SH3BP4: variants seen among roughly 807,000 people sequenced by gnomAD.
The protein encoded by SH3BP4 is SH3 domain binding protein 4.
Under a neutral mutation model 65.5 loss-of-function variants are expected in SH3BP4, and 33 were observed. The observed-to-expected ratio is 0.50, with a 90% CI of 0.38 to 0.67. SH3BP4 has a LOEUF of 0.67. Ranked by LOEUF, SH3BP4 falls within the 30% of genes least tolerant of loss-of-function variation. The pLI, the probability that SH3BP4 is intolerant of heterozygous loss-of-function variation, is 0.00. For synonymous variants in SH3BP4, 552 were observed against 545.5 expected, an observed-to-expected ratio of 1.01 and a Z score of -0.17; for missense variants, 1,134 against 1,261.4, an observed-to-expected ratio of 0.90 and a Z score of 1.53.
rs1695010228 is a variant in SH3BP4 at position 235,026,640 on chromosome 2, C to T, written c.-132-8231C>T. Among the ~76,000 whole-genome samples, 1 of 152,204 alleles carries T rather than the reference C, an allele frequency of 6.6e-6. No individual in the cohort carries two copies. Among genetic ancestry groups the T allele is most frequent in the South Asian group, 2.1e-4 (1 of 4,834 alleles). Reference sequence around the variant, plus strand: ...GATGTTCACTAAGGTGACCTCTGTGCGTAGTCCCAGGTAGATGTGGCACCC... The same window carrying T: ...GATGTTCACTAAGGTGACCTCTGTGTGTAGTCCCAGGTAGATGTGGCACCC... On this transcript the variant is annotated intron_variant, in intron 2 of 5. Transcript: ENST00000392011. This position sits in a 1 kb window ranked among gnomAD's most constrained non-coding sequence, Gnocchi z 4.6.
intron 3 of SH3BP4, among the ~76,000 whole-genome samples, chr2:235,037,938 T>C (rs1033509761): frequency 6.6e-6 from 1 of 151,982 alleles, no homozygotes; most frequent in Non-Finnish European, 1.5e-5. Flanking sequence ...CCAGGGGGAA[T>C]TCAGACACTG....
chr2:235,038,135 T>C lies in SH3BP4; in HGVS notation c.119-2753T>C, dbSNP rs559966828. ...TGGTGCTGATACCCTAATGGGGAGA[T>C]GGAGGCTCCTCCTGCAAAAGAAACA... On this transcript the variant is annotated intron_variant, in intron 3 of 5. Coordinates refer to ENST00000392011, the MANE Select transcript of SH3BP4 (RefSeq NM_014521.3). 1.4e-4 allele frequency among the ~76,000 whole-genome samples: 20 copies of C among 146,654 alleles called. No homozygotes were observed. In the East Asian group the frequency reaches 3.9e-3, roughly 29 times the overall value.
chr2:235,029,705 T>G (rs1695116929), intron 2 of SH3BP4, among the ~76,000 whole-genome samples: 1 of 152,274 alleles, frequency 6.6e-6, no homozygotes, highest in South Asian at 2.1e-4. Flanking sequence ...GAGCTCATTA[T>G]AAAGTCAATC....
intron 1 of SH3BP4, among the ~76,000 whole-genome samples, chr2:234,975,994 C>T (rs1693154929): frequency 1.3e-5 from 2 of 152,232 alleles, no homozygotes; most frequent in Admixed American, 1.3e-4. Context: ...TTTTCTCCAG[C>T]CTCAGTTTCC....
intron 2 of SH3BP4, among the ~76,000 whole-genome samples, chr2:235,021,029 CT>C (rs1266403869): frequency 6.6e-6 from 1 of 152,100 alleles, no homozygotes; most frequent in African/African-American, 2.4e-5. Context: ...TCATCTACAG[CT>C]TTTTTTGGAC....
chr2:234,958,728 C>A (rs989275569), intron 1 of SH3BP4, among the ~76,000 whole-genome samples: 3 of 151,888 alleles, frequency 2.0e-5, no homozygotes, highest in Non-Finnish European at 4.4e-5. Flanking sequence ...TCAAAGCAGA[C>A]GGGACAGTTC....
rs1302263687 is a variant in SH3BP4 at position 234,967,150 on chromosome 2, CT to C, written c.-207+14981del. 6.6e-6 allele frequency among the ~76,000 whole-genome samples: 1 copy of C among 152,116 alleles called. No individual in the cohort carries two copies. Among genetic ancestry groups the C allele is most frequent in the Non-Finnish European group, 1.5e-5 (1 of 68,018 alleles). ...CATGGGGTTTAGGGACTTGTGTGAGCTGGGAAGTGCAGAAGCCAGGAGTTAA... is the reference window on the plus strand; with the variant it reads ...CATGGGGTTTAGGGACTTGTGTGAGCGGGAAGTGCAGAAGCCAGGAGTTAA... On this transcript the variant is annotated intron_variant, in intron 1 of 5. Coordinates refer to ENST00000392011, the MANE Select transcript of SH3BP4 (RefSeq NM_014521.3). This position sits in a 1 kb window ranked among gnomAD's most constrained non-coding sequence, Gnocchi z 4.6.
rs1695311114 is a variant in SH3BP4, at chr2:235,034,575, G to A, written c.-132-296G>A. Among the ~76,000 whole-genome samples, 1 of 152,216 alleles carries A rather than the reference G, an allele frequency of 6.6e-6. No homozygotes were observed. The highest frequency in any genetic ancestry group is 2.1e-4 in the South Asian group (1 of 4,826). Reference sequence around the variant, plus strand: ...TGACTGTAATGAATGGACTGGCCAGGTGCTGGAGCACATTTCGCAAACACC... The same window carrying A: ...TGACTGTAATGAATGGACTGGCCAGATGCTGGAGCACATTTCGCAAACACC... On this transcript the variant is annotated intron_variant, in intron 2 of 5. Coordinates refer to ENST00000392011, the MANE Select transcript of SH3BP4 (RefSeq NM_014521.3). This position sits in a 1 kb window ranked among gnomAD's most constrained non-coding sequence, Gnocchi z 6.2.
chr2:235,016,483 G>A (rs542688649), intron 2 of SH3BP4, among the ~76,000 whole-genome samples: 140 of 152,088 alleles, frequency 9.2e-4, no homozygotes, highest in Non-Finnish European at 1.6e-3. Context: ...CAGCACCACC[G>A]CCCATTCACT....
At chr2:235,027,504 G>A (rs1288923699) in intron 2 of SH3BP4, among the ~76,000 whole-genome samples, 1 of 152,226 alleles carries the variant, frequency 6.6e-6, no homozygotes, top group Non-Finnish European at 1.5e-5. Flanking sequence ...GGAGGGAGAT[G>A]AGCAGATGTG....
At chr2:234,956,858 C>A (rs1574769846) in intron 1 of SH3BP4, among the ~76,000 whole-genome samples, 1 of 152,134 alleles carries the variant, frequency 6.6e-6, no homozygotes, top group East Asian at 1.9e-4. Flanking sequence ...GTTGCCCTGC[C>A]CTTGCCCCAT....
At chr2:234,982,196 G>A (rs932856442) in intron 1 of SH3BP4, among the ~76,000 whole-genome samples, 14 of 152,210 alleles carry the variant, frequency 9.2e-5, no homozygotes, top group South Asian at 6.2e-4. Flanking sequence ...TTTGAAGCCC[G>A]CTCTGTCCTG....
At chr2:235,038,731 T>G (rs1695540582) in intron 3 of SH3BP4, among the ~76,000 whole-genome samples, 2 of 151,858 alleles carry the variant, frequency 1.3e-5, no homozygotes, top group South Asian at 4.1e-4. Context: ...CCCCCACATA[T>G]AGGGAGGGCC....
chr2:234,956,028 G>C (rs934462264), intron 1 of SH3BP4, among the ~76,000 whole-genome samples: 1 of 152,170 alleles, frequency 6.6e-6, no homozygotes, highest in Non-Finnish European at 1.5e-5. Flanking sequence ...GAAGATACAG[G>C]CATGCAAATA....
intron 1 of SH3BP4, among the ~76,000 whole-genome samples, chr2:234,962,472 C>A (rs528701465): frequency 1.3e-5 from 2 of 152,108 alleles, no homozygotes; most frequent in East Asian, 1.9e-4. Flanking sequence ...ATAAAAAAAC[C>A]TTTTCTGCTT....
chr2:235,044,753 C>T (rs985303743), intron 4 of SH3BP4, among the ~76,000 whole-genome samples: 6 of 152,366 alleles, frequency 3.9e-5, no homozygotes, highest in East Asian at 1.9e-4. Context: ...GGCACATACC[C>T]GGCTCGGCTG....
intron 4 of SH3BP4, among the ~76,000 whole-genome samples, chr2:235,043,757 G>A (rs1341545823): frequency 2.0e-5 from 3 of 151,382 alleles, no homozygotes; most frequent in Admixed American, 6.6e-5. Flanking sequence ...ATGCGTGGGC[G>A]TGGGCCGTGG....
chr2:235,042,719 C>T lies in SH3BP4; in HGVS notation c.1950C>T (p.Asp650=), dbSNP rs1695711262. The change falls in exon 4 of 6, where the codon GAC becomes GAT. Residue 650 remains aspartate, a synonymous_variant. Coordinates refer to ENST00000392011, the MANE Select transcript of SH3BP4 (RefSeq NM_014521.3). This position sits in a 1 kb window ranked among gnomAD's most constrained non-coding sequence, Gnocchi z 7.3. ...CTACAAAGTACCCGACTTTCCAGGA[C>T]CGCCCGGTGTCCAGCCTCAAGTTTG... ...ATTTKYPTFQ[D]RPVSSLKFGK... 4 of 1,614,102 alleles carry T rather than the reference C, an allele frequency of 2.5e-6. No homozygotes were observed. Among genetic ancestry groups the T allele is most frequent in the African/African-American group, 1.3e-5 (1 of 74,950 alleles).
chr2:234,969,628 C>T (rs138237434), intron 1 of SH3BP4, among the ~76,000 whole-genome samples: 1 of 152,218 alleles, frequency 6.6e-6, no homozygotes, highest in Non-Finnish European at 1.5e-5. Context: ...ACAGAATAAG[C>T]CTCCGCTTTT....
Sources: allele counts gnomAD v4.1 joint callset (sites outside exome capture counted in the v4.1 genomes callset), GRCh38; gene constraint gnomAD v4.1.1; non-coding constraint Gnocchi (gnomAD v3.1); transcripts MANE v1.5; gene names NCBI Gene and HGNC (gene_info 2026-07-23, HGNC 2026-07-21).